Variants in PDE3B observed in about 807,000 individuals in gnomAD.
PDE3B encodes phosphodiesterase 3B.
A neutral mutation model predicts 116.8 loss-of-function variants in PDE3B; 66 were observed. The observed-to-expected ratio is 0.56, with a 90% CI of 0.46 to 0.69. PDE3B has a LOEUF of 0.69. Among genes scored for constraint, PDE3B ranks in the 30% least tolerant of loss-of-function variants. The pLI is 0.00. For synonymous variants in PDE3B, 595 were observed against 533.6 expected (o/e 1.12, Z -1.59); for missense variants, 1,384 against 1,368.1 (o/e 1.01, Z -0.18).
At chr11:14,762,190 C>T (rs1590123571) in intron 1 of PDE3B, among the ~76,000 whole-genome samples, 1 of 151,450 alleles carries the variant, frequency 6.6e-6, no homozygotes, top group South Asian at 2.1e-4. Context: ...CACTGTATTG[C>T]CCAGGCTGGT....
At chr11:14,747,794 A>G (rs771773174) in intron 1 of PDE3B, among the ~76,000 whole-genome samples, 14 of 152,100 alleles carry the variant, frequency 9.2e-5, no homozygotes, top group Non-Finnish European at 2.1e-4. Context: ...GATTTGCAAA[A>G]ATAATGGATT....
At chr11:14,676,831 TG>T (rs1276329690) in intron 1 of PDE3B, among the ~76,000 whole-genome samples, 3 of 152,166 alleles carry the variant, frequency 2.0e-5, no homozygotes, top group African/African-American at 7.2e-5. Flanking sequence ...ATTTTAATTT[TG>T]TTTAAGTCTA....
At chr11:14,658,606 C>T (rs1468821527) in intron 1 of PDE3B, among the ~76,000 whole-genome samples, 11 of 152,190 alleles carry the variant, frequency 7.2e-5, no homozygotes, top group Non-Finnish European at 1.2e-4. Flanking sequence ...CCGCCCGCCT[C>T]GGCCTCCCAA....
At chr11:14,746,971 T>C (rs1178275885) in intron 1 of PDE3B, among the ~76,000 whole-genome samples, 1 of 152,194 alleles carries the variant, frequency 6.6e-6, no homozygotes, top group Admixed American at 6.5e-5. Context: ...TCATAGTTCT[T>C]CAGGCTGTAC....
In PDE3B at chr11:14,818,319, A is replaced by G; in HGVS notation, c.1659A>G (p.Arg553=). 1 of 1,613,720 alleles carries G rather than the reference A, an allele frequency of 6.2e-7. No individual in the cohort carries two copies. The highest frequency in any genetic ancestry group is 8.5e-7 in the Non-Finnish European group (1 of 1,179,686). ...FLNKPSVILQ[R]SLGNAPNTPD... ...ATAAGCCAAGCGTTATCTTGCAGAG[A>G]TCTCTGGGCAATGCACCTAATACTC... is the stretch of plus-strand genomic sequence containing the variant. Residue 553 remains arginine, a synonymous_variant, in exon 6 of 16, where the codon AGA becomes AGG. Coordinates refer to ENST00000282096, the MANE Select transcript of PDE3B (RefSeq NM_000922.4).
chr11:14,818,014 T>G (rs1859386347), intron 5 of PDE3B, among the ~76,000 whole-genome samples, 169 bp from the exon 6 acceptor site: 1 of 152,224 alleles, frequency 6.6e-6, no homozygotes, highest in Non-Finnish European at 1.5e-5. Context: ...AAATATTGCA[T>G]AAGTTTCTAG....
At chr11:14,892,028 C>A in the PDE3B span, 4 of 1,613,266 alleles carry the variant, frequency 2.5e-6, no homozygotes, top group Non-Finnish European at 3.4e-6. Context: ...TGGGGAAGCT[C>A]GGATGAGGCT....
At position 14,800,741 on chromosome 11, in the gene PDE3B, T is replaced by A. The variant is rs185745189; in HGVS notation, c.1416-3203T>A. ...GGGGATGTTCTCTTGGATAATATCCTGAAGAGTGTTTTCCAACTTGGCTCC... is the reference window on the plus strand; with the variant it reads ...GGGGATGTTCTCTTGGATAATATCCAGAAGAGTGTTTTCCAACTTGGCTCC... On this transcript the variant is annotated intron_variant, in intron 4 of 15. Transcript: ENST00000282096. 7.2e-5 allele frequency among the ~76,000 whole-genome samples: 11 copies of A among 152,330 alleles called. No individual in the cohort carries two copies. In the East Asian group the frequency reaches 2.1e-3, roughly 29 times the overall value.
chr11:14,703,786 G>A (rs1023642260), intron 1 of PDE3B, among the ~76,000 whole-genome samples: 2 of 151,770 alleles, frequency 1.3e-5, no homozygotes, highest in African/African-American at 2.4e-5. Flanking sequence ...GTGTGTGTGT[G>A]TGTGAGACAT....
chr11:14,847,626 A>C (rs1432893549), intron 12 of PDE3B, among the ~76,000 whole-genome samples: 1 of 152,226 alleles, frequency 6.6e-6, no homozygotes, highest in African/African-American at 2.4e-5. Flanking sequence ...GAAGAATCAA[A>C]TAGACGCAAT....
At chr11:14,732,912 T>C (rs1376259390) in intron 1 of PDE3B, among the ~76,000 whole-genome samples, 1 of 152,216 alleles carries the variant, frequency 6.6e-6, no homozygotes, top group Non-Finnish European at 1.5e-5. Context: ...AAAACACTGA[T>C]CTTTAGATTG....
intron 2 of PDE3B, among the ~76,000 whole-genome samples, chr11:14,781,849 T>C (rs1858014613): frequency 6.6e-6 from 1 of 152,032 alleles, no homozygotes; most frequent in Non-Finnish European, 1.5e-5. Flanking sequence ...AGGTATTCAG[T>C]TAGGAAAAGA....
intron 1 of PDE3B, among the ~76,000 whole-genome samples, chr11:14,733,136 A>T (rs1455715015): frequency 6.6e-6 from 1 of 152,198 alleles, no homozygotes; most frequent in Non-Finnish European, 1.5e-5. Flanking sequence ...CGTTTCTAAG[A>T]TGCTTGAACA....
chr11:14,742,495 T>C (rs1382523105), intron 1 of PDE3B, among the ~76,000 whole-genome samples: 1 of 152,220 alleles, frequency 6.6e-6, no homozygotes, highest in African/African-American at 2.4e-5. Context: ...TAACCTTTTT[T>C]CTAGGTTCTT....
At chr11:14,749,525 A>G (rs1856999768) in intron 1 of PDE3B, among the ~76,000 whole-genome samples, 2 of 152,118 alleles carry the variant, frequency 1.3e-5, no homozygotes, top group Non-Finnish European at 2.9e-5. Flanking sequence ...GCTACACAGA[A>G]CGGTTTAAGC....
chr11:14,803,012 G>A (rs1565144228), intron 4 of PDE3B, among the ~76,000 whole-genome samples: 1 of 152,160 alleles, frequency 6.6e-6, no homozygotes, highest in Non-Finnish European at 1.5e-5. Context: ...GAAGAAAAAG[G>A]GAAGTTAATC....
intron 1 of PDE3B, among the ~76,000 whole-genome samples, chr11:14,648,770 A>T (rs1383989548): frequency 6.6e-6 from 1 of 151,958 alleles, no homozygotes; most frequent in Non-Finnish European, 1.5e-5. Context: ...TTATTTTTTT[A>T]AAAAGCATTT....
At chr11:14,776,615 C>T (rs1478951682) in intron 2 of PDE3B, 1 of 151,188 alleles carries the variant, frequency 6.6e-6, no homozygotes, top group Admixed American at 6.6e-5. Context: ...GCACATGTAC[C>T]CTAAAACTTA....
At chr11:14,814,317 T>G (rs1239805227) in intron 5 of PDE3B, among the ~76,000 whole-genome samples, 1 of 152,150 alleles carries the variant, frequency 6.6e-6, no homozygotes, top group African/African-American at 2.4e-5. Context: ...ATATAAACCC[T>G]TTTATTTATT....
Sources: allele counts gnomAD v4.1 joint callset (sites outside exome capture counted in the v4.1 genomes callset), GRCh38; gene constraint gnomAD v4.1.1; transcripts MANE v1.5; gene names NCBI Gene and HGNC (gene_info 2026-07-23, HGNC 2026-07-21).